The following ZRANB1 variants were observed in gnomAD, a reference collection of about 807,000 sequenced individuals.
ZRANB1 encodes the protein ubiquitin thioesterase ZRANB1.
Under a neutral mutation model 80.5 loss-of-function variants are expected in ZRANB1, and 16 were observed. The observed-to-expected ratio is 0.20, with a 90% CI of 0.13 to 0.30. The LOEUF (loss-of-function observed/expected upper bound fraction) is 0.30. ZRANB1 is among the 10% of genes least tolerant of loss of function. The pLI, the probability that ZRANB1 is intolerant of heterozygous loss-of-function variation, is 1.00. For synonymous variants in ZRANB1, 291 were observed against 293.1 expected, an observed-to-expected ratio of 0.99 and a Z score of 0.07; for missense variants, 576 against 862.6, an observed-to-expected ratio of 0.67 and a Z score of 4.16.
At chr10:124,979,597 C>T (rs1951914812) in intron 5 of ZRANB1, among the ~76,000 whole-genome samples, 1 of 152,100 alleles carries the variant, frequency 6.6e-6, no homozygotes, top group South Asian at 2.1e-4. Context: ...TTGTCTAGCC[C>T]AAGGTCACGA....
intron 1 of ZRANB1, among the ~76,000 whole-genome samples, chr10:124,963,568 T>G (rs1951753950): frequency 7.0e-6 from 1 of 142,596 alleles, no homozygotes; most frequent in Admixed American, 7.2e-5. Flanking sequence ...TTTTTTTTTT[T>G]TTTTTTTTTG....
intron 1 of ZRANB1, among the ~76,000 whole-genome samples, chr10:124,944,683 G>A (rs750840874): frequency 6.6e-5 from 10 of 151,956 alleles, no homozygotes; most frequent in Admixed American, 1.3e-4. Flanking sequence ...TGTAAAGATG[G>A]GGGTCTACCT....
Position 124,986,364 on chromosome 10 carries a change from T to TA in ZRANB1, c.*1375dup, listed in dbSNP as rs1182688959. ...GTGATGAAAAAGGCTGTGAAAACCT[T>TA]AAAGTATTTGCTTGCTTCTTGTTTT... is the stretch of plus-strand genomic sequence containing the variant. On this transcript the variant is annotated 3_prime_UTR_variant, in exon 9 of 9. Transcript: ENST00000359653. 1 of 152,048 alleles carries TA rather than the reference T, an allele frequency of 6.6e-6. No homozygotes were observed. Among genetic ancestry groups the TA allele is most frequent in the Non-Finnish European group, 1.5e-5 (1 of 67,938 alleles). The allele number at this position is 152,048 out of a possible 1,614,324, so 9.4% of individuals were successfully genotyped here. A position where few individuals can be genotyped will look rare whatever the true frequency, so the allele number is the denominator to read the frequency against.
chr10:124,988,068 G>GT lies in ZRANB1; in HGVS notation c.*3085dup, dbSNP rs3832699. On this transcript the variant is annotated 3_prime_UTR_variant, in exon 9 of 9. Coordinates refer to ENST00000359653, the MANE Select transcript of ZRANB1 (RefSeq NM_017580.3). ...AGAACTCTAAAAGTTGAGCAACTTT[G>GT]TTTTTTTTTGAATTGATTTAGCACT... The GT allele has an allele frequency of 0.15, 22,093 of 151,448 alleles. 1,581 individuals are homozygous for GT. The highest frequency in any genetic ancestry group is 0.2 in the East Asian group (1,045 of 5,130). 9.4% of individuals were successfully genotyped at this position (151,448 alleles called of 1,614,324 possible).
At position 124,983,404 on chromosome 10, in the gene ZRANB1, A is replaced by G; in HGVS notation, c.1679-55A>G. The G allele has an allele frequency of 6.3e-7, 1 of 1,591,366 alleles. No homozygotes were observed. The highest frequency in any genetic ancestry group is 8.6e-7 in the Non-Finnish European group (1 of 1,165,526). ...CAGGGGAATGTGAACAAGGGCAGTG[A>G]GGGAGTGGCTCTTTCTTCCTGTGAC... On this transcript the variant is annotated intron_variant, in intron 7 of 8. Transcript: ENST00000359653. This position sits in a 1 kb window ranked among gnomAD's most constrained non-coding sequence, Gnocchi z 6.2.
At chr10:124,961,707 G>T (rs1000435955) in intron 1 of ZRANB1, among the ~76,000 whole-genome samples, 1 of 152,200 alleles carries the variant, frequency 6.6e-6, no homozygotes, top group South Asian at 2.1e-4. Context: ...TTTAATTAGT[G>T]ACTATTTGAC....
intron 1 of ZRANB1, among the ~76,000 whole-genome samples, chr10:124,947,778 A>G (rs1301830878): frequency 6.6e-6 from 1 of 152,102 alleles, no homozygotes; most frequent in African/African-American, 2.4e-5. Context: ...TATTTCTGAG[A>G]AGATTCTTTG....
chr10:124,923,468 C>T, the ZRANB1 span, among the ~76,000 whole-genome samples: 4 of 151,530 alleles, frequency 2.6e-5, no homozygotes, highest in Non-Finnish European at 4.4e-5. Context: ...GTGGTGCGCA[C>T]CTGTAATCCC....
In ZRANB1 at chr10:124,983,405, G is replaced by A; in HGVS notation, c.1679-54G>A. 6.3e-7 allele frequency: 1 copy of A among 1,591,416 alleles called. No individual in the cohort carries two copies. Among genetic ancestry groups the A allele is most frequent in the South Asian group, 1.1e-5 (1 of 87,992 alleles). ...AGGGGAATGTGAACAAGGGCAGTGAGGGAGTGGCTCTTTCTTCCTGTGACT... is the reference window on the plus strand; with the variant it reads ...AGGGGAATGTGAACAAGGGCAGTGAAGGAGTGGCTCTTTCTTCCTGTGACT... On this transcript the variant is annotated intron_variant, in intron 7 of 8. Transcript: ENST00000359653. This position sits in a 1 kb window ranked among gnomAD's most constrained non-coding sequence, Gnocchi z 6.2.
chr10:124,981,493 T>A, intron 5 of ZRANB1: 1 of 369,916 alleles, frequency 2.7e-6, no homozygotes, highest in Non-Finnish European at 4.7e-6. Flanking sequence ...GTAAATCAAA[T>A]TCTGACTAAA....
chr10:124,971,945 A>G lies in ZRANB1; in HGVS notation c.1003-20A>G, dbSNP rs1342342030. On this transcript the variant is annotated intron_variant, in intron 2 of 8. Transcript: ENST00000359653. Reference sequence around the variant, plus strand: ...ACTTATGATACATGAGATGAGAGGAAGGTTTCTTTTGTATTTAAGGTGTCT... The same window carrying G: ...ACTTATGATACATGAGATGAGAGGAGGGTTTCTTTTGTATTTAAGGTGTCT... 2.6e-6 allele frequency: 4 copies of G among 1,551,308 alleles called. No individual in the cohort carries two copies. Among genetic ancestry groups the G allele is most frequent in the Non-Finnish European group, 3.5e-6 (4 of 1,148,416 alleles).
chr10:124,917,499 C>G, the ZRANB1 span, among the ~76,000 whole-genome samples: 1 of 151,930 alleles, frequency 6.6e-6, no homozygotes, highest in Non-Finnish European at 1.5e-5. Context: ...CGGGTCCGCC[C>G]AGCTTGTTTA....
the ZRANB1 span, among the ~76,000 whole-genome samples, chr10:124,931,558 A>G: frequency 6.6e-6 from 1 of 152,030 alleles, no homozygotes; most frequent in Non-Finnish European, 1.5e-5. Context: ...TTTGGTAGAG[A>G]CAAGGTTTCA....
the ZRANB1 span, among the ~76,000 whole-genome samples, chr10:124,925,953 G>A: frequency 6.6e-6 from 1 of 152,168 alleles, no homozygotes; most frequent in Non-Finnish European, 1.5e-5. Flanking sequence ...TAGGCCATGG[G>A]TTATAGCCTG....
At chr10:124,930,039 A>G in the ZRANB1 span, among the ~76,000 whole-genome samples, 6 of 152,070 alleles carry the variant, frequency 3.9e-5, no homozygotes, top group Non-Finnish European at 7.3e-5. Context: ...AGCTCCGTAC[A>G]AAACTTAAGT....
At chr10:124,978,337 C>T (rs1951898933) in intron 5 of ZRANB1, among the ~76,000 whole-genome samples, 1 of 152,114 alleles carries the variant, frequency 6.6e-6, no homozygotes, top group Admixed American at 6.5e-5. Flanking sequence ...TAATTGAAAT[C>T]AGCTGGAGTG....
chr10:124,945,788 T>A (rs575140913), intron 1 of ZRANB1: 4 of 152,298 alleles, frequency 2.6e-5, no homozygotes, highest in African/African-American at 9.6e-5. Flanking sequence ...GCCATCCTTG[T>A]ACCTCTTTGC....
At chr10:124,924,633 A>G in the ZRANB1 span, among the ~76,000 whole-genome samples, 1,131 of 152,142 alleles carry the variant, frequency 7.4e-3, 18 homozygotes, top group African/African-American at 0.026. Context: ...ATGTTGTGGC[A>G]TGTGTCAGTA....
At chr10:124,920,959 C>T in the ZRANB1 span, among the ~76,000 whole-genome samples, 1 of 152,048 alleles carries the variant, frequency 6.6e-6, no homozygotes, top group African/African-American at 2.4e-5. Flanking sequence ...GCAGTTTGTA[C>T]TGTAGTAAGT....
Sources: allele counts gnomAD v4.1 joint callset (sites outside exome capture counted in the v4.1 genomes callset), GRCh38; gene constraint gnomAD v4.1.1; non-coding constraint Gnocchi (gnomAD v3.1); transcripts MANE v1.5; gene names NCBI Gene and HGNC (gene_info 2026-07-23, HGNC 2026-07-21).